The following KMT2A variants were observed in gnomAD, a reference collection of about 807,000 sequenced individuals.
The protein encoded by KMT2A is histone-lysine N-methyltransferase 2A.
Under a neutral mutation model 345.3 loss-of-function variants are expected in KMT2A, and 16 were observed. The ratio of observed to expected loss-of-function variants is 0.05; its 90% CI spans 0.03 to 0.07. KMT2A has a LOEUF of 0.07. Among genes scored for constraint, KMT2A ranks in the 10% least tolerant of loss-of-function variants. The pLI is 1.00. For synonymous variants in KMT2A, 1,599 were observed against 1,778.6 expected (o/e 0.90, Z 2.54); for missense variants, 3,272 against 4,841.6 (o/e 0.68, Z 9.62).
In KMT2A at chr11:118,506,088, C is replaced by T; in HGVS notation, c.10196C>T (p.Pro3399Leu). Residue 3399 changes from proline to leucine, a missense_variant, in exon 27 of 36, where the codon CCT becomes CTT. By Grantham distance (98) the Pro-to-Leu change is moderately conservative. Coordinates refer to ENST00000534358, the MANE Select transcript of KMT2A (RefSeq NM_001197104.2). ...SQQSLGIQDQ[P>L]VALPPSSGMF... is the part of the protein sequence containing the mutation. ...CAGAGCCTGGGGATTCAGGACCAGC[C>T]TGTGGCTTTACCGCCAAGTTCAGGA... 6.2e-7 allele frequency: 1 copy of T among 1,614,172 alleles called. No homozygotes were observed.
At position 118,502,539 on chromosome 11, in the gene KMT2A, T is replaced by A. The variant is rs371772102; in HGVS notation, c.6647T>A (p.Met2216Lys). Residue 2216 changes from methionine (M) to lysine (K), a missense_variant, in exon 27 of 36, where the codon ATG becomes AAG. Met to Lys is a moderately conservative substitution (Grantham distance 95). This residue lies in a region of KMT2A where 445 missense variants were observed against 500.9 expected (regional missense o/e 0.89). Transcript: ENST00000534358. The surrounding 1 kb of genome is among the most constrained non-coding windows in gnomAD (Gnocchi z 4.9). ...TCCAAACTCCGGATAATGTCTCCAA[T>A]GAGAACTGGGAATACTTACTCTAGG... ...QRSKLRIMSP[M>K]RTGNTYSRNN... 2.0e-4 allele frequency: 330 copies of A among 1,614,030 alleles called. 1 individual carries two copies. The highest frequency in any genetic ancestry group is 2.7e-4 in the Non-Finnish European group (322 of 1,180,022).
intron 27 of KMT2A, 35 bp from the exon 28 acceptor site, chr11:118,507,494 T>A (rs201862340): frequency 1.3e-6 from 2 of 1,584,294 alleles, no homozygotes; most frequent in Non-Finnish European, 1.7e-6. Context: ...TTACTGGTGG[T>A]TTGTCTTGAA....
In KMT2A at chr11:118,476,420, A is replaced by T. The variant is rs1431313500; in HGVS notation, c.3157-385A>T. ...AAGATAGGGTCTCACTCTGTCACCC[A>T]GGGTGGCTCAAGTGATCCTCTTGTC... On this transcript the variant is annotated intron_variant, in intron 3 of 35. Coordinates refer to ENST00000534358, the MANE Select transcript of KMT2A (RefSeq NM_001197104.2). The surrounding 1 kb of genome is among the most constrained non-coding windows in gnomAD (Gnocchi z 4.1). 6.6e-6 allele frequency among the ~76,000 whole-genome samples: 1 copy of T among 151,998 alleles called. No homozygotes were observed. The highest frequency in any genetic ancestry group is 1.5e-5 in the Non-Finnish European group (1 of 67,986).
chr11:118,474,033 C>T lies in KMT2A; in HGVS notation c.2874C>T (p.Thr958=). The T allele has an allele frequency of 6.2e-7, 1 of 1,613,696 alleles. No homozygotes were observed. Among genetic ancestry groups the T allele is most frequent in the Non-Finnish European group, 8.5e-7 (1 of 1,179,918 alleles). ...TTGGGGATACAACAGCTGTCAAAAC[C>T]AAAATACTTATAAAGAAAGGGAGAG... The part of the protein sequence containing the change: ...VTLGDTTAVK[T]KILIKKGRGN... Residue 958 remains threonine (T), a synonymous_variant, in exon 3 of 36, where the codon ACC becomes ACT. Coordinates refer to ENST00000534358, the MANE Select transcript of KMT2A (RefSeq NM_001197104.2).
Position 118,504,670 on chromosome 11 carries a change from G to A in KMT2A, c.8778G>A (p.Leu2926=), listed in dbSNP as rs1371399709. 2 of 1,614,038 alleles carry A rather than the reference G, an allele frequency of 1.2e-6. No individual in the cohort carries two copies. The highest frequency in any genetic ancestry group is 1.7e-5 in the Admixed American group (1 of 60,004). Residue 2926 remains leucine, a synonymous_variant, in exon 27 of 36, where the codon TTG becomes TTA. Coordinates refer to ENST00000534358, the MANE Select transcript of KMT2A (RefSeq NM_001197104.2). This position sits in a 1 kb window ranked among gnomAD's most constrained non-coding sequence, Gnocchi z 6.4. ...SSISAEEQFE[L]PLELPSDLSV... is the part of the protein sequence containing the mutation. Reference sequence around the variant, plus strand: ...TCTCAGCAGAGGAACAGTTTGAGTTGCCTCTAGAGCTACCATCTGATCTGT... The same window carrying A: ...TCTCAGCAGAGGAACAGTTTGAGTTACCTCTAGAGCTACCATCTGATCTGT...
At chr11:118,437,908 G>A (rs1052169876) in intron 1 of KMT2A, among the ~76,000 whole-genome samples, 3 of 152,166 alleles carry the variant, frequency 2.0e-5, no homozygotes, top group African/African-American at 7.2e-5. Context: ...TGTGAGGGGA[G>A]GTGTTTGTTG....
chr11:118,503,544 TG>T lies in KMT2A; in HGVS notation c.7653del (p.Leu2551PhefsTer3). 1 of 1,614,158 alleles carries T rather than the reference TG, an allele frequency of 6.2e-7. No homozygotes were observed. Among genetic ancestry groups the T allele is most frequent in the East Asian group, 2.2e-5 (1 of 44,888 alleles). ...ALKESSPASPLQIESTSPTEP... is the reference protein window; with the variant it reads ...ALKESSPASPXQIESTSPTEP... ...AAAGAAAGTAGTCCTGCTTCCCCTT[TG>T]CAAATAGAGTCAACATCTCCCACAG... On this transcript the variant is annotated frameshift_variant, in exon 27 of 36. Transcript: ENST00000534358. LOFTEE classifies it high-confidence loss of function. The surrounding 1 kb of genome is among the most constrained non-coding windows in gnomAD (Gnocchi z 5.3).
Position 118,472,116 on chromosome 11 carries a change from CATT to C in KMT2A, c.959_961del (p.Ile320del). 1 of 1,613,954 alleles carries C rather than the reference CATT, an allele frequency of 6.2e-7. No individual in the cohort carries two copies. Among genetic ancestry groups the C allele is most frequent in the African/African-American group, 1.3e-5 (1 of 75,008 alleles). ...GGATAAAGACCCCTTCGGGTCTCCT[CATT>C]AATTCTGAACTGGAAAAGCCCCAGA... On this transcript the variant is annotated inframe_deletion, in exon 3 of 36. Transcript: ENST00000534358.
Position 118,521,627 on chromosome 11 carries a change from G to A in KMT2A, c.11643+210G>A, listed in dbSNP as rs1426279303. Reference sequence around the variant, plus strand: ...AAAGTTGCTCTTAGAAGGTTTGTCTGAGTGGCTCCTAGTATCAGAAGCAAA... The same window carrying A: ...AAAGTTGCTCTTAGAAGGTTTGTCTAAGTGGCTCCTAGTATCAGAAGCAAA... On this transcript the variant is annotated intron_variant, in intron 35 of 35. Coordinates refer to ENST00000534358, the MANE Select transcript of KMT2A (RefSeq NM_001197104.2). This position sits in a 1 kb window ranked among gnomAD's most constrained non-coding sequence, Gnocchi z 5.3. Among the ~76,000 whole-genome samples the A allele has an allele frequency of 6.6e-6, 1 of 152,200 alleles. No individual in the cohort carries two copies. The highest frequency in any genetic ancestry group is 1.5e-5 in the Non-Finnish European group (1 of 68,026).
chr11:118,442,386 C>G (rs1949332753), intron 1 of KMT2A, among the ~76,000 whole-genome samples: 2 of 152,204 alleles, frequency 1.3e-5, no homozygotes, highest in Admixed American at 1.3e-4. Flanking sequence ...ACATTTTAAT[C>G]AGATTCTTAA....
chr11:118,459,474 C>CTAGGA (rs1259109794), intron 1 of KMT2A, among the ~76,000 whole-genome samples: 1 of 152,054 alleles, frequency 6.6e-6, no homozygotes, highest in Non-Finnish European at 1.5e-5. Flanking sequence ...TGTGAAGTAC[C>CTAGGA]TAGGAGTCTC....
chr11:118,447,836 G>GA, intron 1 of KMT2A: 1 of 253,628 alleles, frequency 3.9e-6, no homozygotes, highest in Non-Finnish European at 8.1e-6. Context: ...CAGAATAAGA[G>GA]AAAATAGGTT....
chr11:118,521,474 G>A lies in KMT2A; in HGVS notation c.11643+57G>A. 6.3e-7 allele frequency: 1 copy of A among 1,585,466 alleles called. No homozygotes were observed. Among genetic ancestry groups the A allele is most frequent in the South Asian group, 1.1e-5 (1 of 89,486 alleles). On this transcript the variant is annotated intron_variant, in intron 35 of 35. Transcript: ENST00000534358. This position sits in a 1 kb window ranked among gnomAD's most constrained non-coding sequence, Gnocchi z 5.3. Reference sequence around the variant, plus strand: ...TTTGTTTTGCTGTAGAAAGGGACCAGTATGACCCCTGGATCACAAAAGAAA... The same window carrying A: ...TTTGTTTTGCTGTAGAAAGGGACCAATATGACCCCTGGATCACAAAAGAAA...
At position 118,511,935 on chromosome 11, in the gene KMT2A, C is replaced by A. The variant is rs2134438500; in HGVS notation, c.11072-16C>A. 1.2e-6 allele frequency: 2 copies of A among 1,612,720 alleles called. No homozygotes were observed. The highest frequency in any genetic ancestry group is 2.2e-5 in the East Asian group (1 of 44,872). ...GCATATTTTCTGGCTTACGGGTTTT[C>A]TTTATTTCCTTTCAGATGCCTGGAA... is the stretch of plus-strand genomic sequence containing the variant. On this transcript the variant is annotated splice_polypyrimidine_tract_variant and intron_variant, in intron 30 of 35. Coordinates refer to ENST00000534358, the MANE Select transcript of KMT2A (RefSeq NM_001197104.2).
At chr11:118,512,345 G>C (rs1249840177) in intron 31 of KMT2A, 19 of 340,158 alleles carry the variant, frequency 5.6e-5, no homozygotes, top group African/African-American at 3.4e-4. Flanking sequence ...CTATGTATTT[G>C]ATTATTCTGG....
In KMT2A at chr11:118,490,237, C is replaced by T; in HGVS notation, c.4684C>T (p.Leu1562Phe). ...CTCACTGTGTCATGATTGCGCCAAG[C>T]TCTTTGCTAAAGGTACCCAAAAAAG... ...DFSLCHDCAKLFAKGNFCPLC... is the reference protein window; with the variant it reads ...DFSLCHDCAKFFAKGNFCPLC... The change falls in exon 13 of 36, where the codon CTC (leucine) becomes TTC (phenylalanine). Residue 1562 changes from leucine to phenylalanine, a missense_variant. Leu to Phe is a conservative substitution (Grantham distance 22). Coordinates refer to ENST00000534358, the MANE Select transcript of KMT2A (RefSeq NM_001197104.2). The surrounding 1 kb of genome is among the most constrained non-coding windows in gnomAD (Gnocchi z 4.2). The T allele has an allele frequency of 6.4e-7, 1 of 1,563,516 alleles. No homozygotes were observed.
rs781936012 is a variant in KMT2A at position 118,495,874 on chromosome 11, T to G, written c.5538T>G (p.Pro1846=). ...GEPDSPTPLH[P]PTPPILSTDR... is the part of the protein sequence containing the mutation. ...CAGACTCACCAACTCCTCTGCATCC[T>G]CCTACACCACCAATTTTGAGTAAGC... is the stretch of plus-strand genomic sequence containing the variant. The change falls in exon 19 of 36, where the codon CCT becomes CCG. Residue 1846 remains proline, a synonymous_variant. Coordinates refer to ENST00000534358, the MANE Select transcript of KMT2A (RefSeq NM_001197104.2). The surrounding 1 kb of genome is among the most constrained non-coding windows in gnomAD (Gnocchi z 4.1). 1 of 1,608,590 alleles carries G rather than the reference T, an allele frequency of 6.2e-7. No individual in the cohort carries two copies. The highest frequency in any genetic ancestry group is 8.5e-7 in the Non-Finnish European group (1 of 1,177,672).
At chr11:118,509,320 G>A in intron 29 of KMT2A, 120 bp downstream of exon 29, 1 of 815,766 alleles carries the variant, frequency 1.2e-6, no homozygotes, top group Non-Finnish European at 1.9e-6. Flanking sequence ...CTCCAAAGAA[G>A]TTAAGTGATT....
In KMT2A at chr11:118,476,391, T is replaced by A. The variant is rs181965620; in HGVS notation, c.3157-414T>A. Reference sequence around the variant, plus strand: ...AATAGAAGCTTAGTTGTTTGTTTGTTTTTAAGATAGGGTCTCACTCTGTCA... The same window carrying A: ...AATAGAAGCTTAGTTGTTTGTTTGTATTTAAGATAGGGTCTCACTCTGTCA... On this transcript the variant is annotated intron_variant, in intron 3 of 35. Coordinates refer to ENST00000534358, the MANE Select transcript of KMT2A (RefSeq NM_001197104.2). The surrounding 1 kb of genome is among the most constrained non-coding windows in gnomAD (Gnocchi z 4.1). Among the ~76,000 whole-genome samples the A allele has an allele frequency of 3.9e-5, 6 of 152,286 alleles. No homozygotes were observed. The East Asian group carries it at 9.7e-4, about 25-fold the overall frequency.
Sources: allele counts gnomAD v4.1 joint callset (sites outside exome capture counted in the v4.1 genomes callset), GRCh38; gene constraint gnomAD v4.1.1; regional missense constraint gnomAD v4.1.1; non-coding constraint Gnocchi (gnomAD v3.1); transcripts MANE v1.5; gene names NCBI Gene and HGNC (gene_info 2026-07-23, HGNC 2026-07-21).